The following VWA3B variants were observed in gnomAD, a reference collection of about 807,000 sequenced individuals.
VWA3B encodes von Willebrand factor A domain containing 3B.
Under a neutral mutation model 158.3 loss-of-function variants are expected in VWA3B, and 138 were observed. The ratio of observed to expected loss-of-function variants is 0.87; its 90% CI spans 0.76 to 1.00. The LOEUF is 1.00. Among genes scored for constraint, VWA3B ranks in the 50% least tolerant of loss-of-function variants. The pLI, the probability that VWA3B is intolerant of heterozygous loss-of-function variation, is 0.00. For missense variants in VWA3B, 1,555 were observed against 1,565.1 expected, an observed-to-expected ratio of 0.99 and a Z score of 0.11; for synonymous variants, 596 against 587.3, an observed-to-expected ratio of 1.01 and a Z score of -0.21.
chr2:98,235,796 G>A (rs533540876), intron 17 of VWA3B, among the ~76,000 whole-genome samples: 1 of 152,234 alleles, frequency 6.6e-6, no homozygotes, highest in South Asian at 2.1e-4. Flanking sequence ...TGATGATTGG[G>A]ATATGATTTC....
intron 7 of VWA3B, among the ~76,000 whole-genome samples, chr2:98,151,347 C>T (rs925435841): frequency 3.3e-5 from 5 of 152,104 alleles, no homozygotes; most frequent in South Asian, 2.1e-4. Flanking sequence ...TTTAGTGATC[C>T]GCCTGCCTCG....
At chr2:98,093,336 T>C in intron 2 of VWA3B, 48 bp downstream of exon 2, 1 of 1,590,544 alleles carries the variant, frequency 6.3e-7, no homozygotes. Context: ...GCCTTTGAGG[T>C]GGAGGTGGCT....
chr2:98,213,280 G>A (rs1463990145), intron 13 of VWA3B, among the ~76,000 whole-genome samples: 2 of 152,256 alleles, frequency 1.3e-5, no homozygotes, highest in South Asian at 2.1e-4. Flanking sequence ...GGAAGTCCTC[G>A]AATGCCATAT....
intron 7 of VWA3B, among the ~76,000 whole-genome samples, chr2:98,136,045 A>G (rs771973304): frequency 3.6e-4 from 55 of 152,104 alleles, no homozygotes; most frequent in South Asian, 1.0e-3. Flanking sequence ...CTCTCAAGTA[A>G]GGGGTTGGAG....
chr2:98,158,615 G>T (rs796616375), intron 7 of VWA3B, among the ~76,000 whole-genome samples: 37 of 152,284 alleles, frequency 2.4e-4, no homozygotes, highest in African/African-American at 7.9e-4. Flanking sequence ...GGTGCGGCCC[G>T]AGCGTGTCCT....
intron 12 of VWA3B, among the ~76,000 whole-genome samples, chr2:98,199,905 T>A (rs1244337508): frequency 6.6e-6 from 1 of 152,216 alleles, no homozygotes. Flanking sequence ...TAAGTGTATG[T>A]TTAACTTTAT....
chr2:98,117,376 A>G (rs1031083585), intron 3 of VWA3B, among the ~76,000 whole-genome samples: 2 of 152,200 alleles, frequency 1.3e-5, no homozygotes, highest in Admixed American at 6.5e-5. Flanking sequence ...CAGAGGGCCA[A>G]CGCTCAGCTC....
At chr2:98,168,374 C>T (rs7567029) in intron 8 of VWA3B, among the ~76,000 whole-genome samples, 2,975 of 117,520 alleles carry the variant, frequency 0.025, 35 homozygotes, top group Non-Finnish European at 0.032. Context: ...AATACACACA[C>T]ATACACACAC....
chr2:98,303,629 C>G, intron 25 of VWA3B, 73 bp from the exon 26 acceptor site: 1 of 1,403,124 alleles, frequency 7.1e-7, no homozygotes, highest in Non-Finnish European at 1.0e-6. Flanking sequence ...ATGGGTTGAG[C>G]TAGAATAAAA....
intron 8 of VWA3B, among the ~76,000 whole-genome samples, chr2:98,176,943 C>T (rs977870675): frequency 1.3e-5 from 2 of 152,118 alleles, no homozygotes; most frequent in African/African-American, 4.8e-5. Context: ...CGCTGACAGC[C>T]CCCCTGAAAG....
intron 19 of VWA3B, among the ~76,000 whole-genome samples, chr2:98,237,440 G>C (rs1685777372): frequency 6.6e-6 from 1 of 152,164 alleles, no homozygotes; most frequent in Non-Finnish European, 1.5e-5. Context: ...AGTTAAGAGA[G>C]CAAACAAGCA....
intron 8 of VWA3B, among the ~76,000 whole-genome samples, chr2:98,168,376 T>A: frequency 6.9e-6 from 1 of 145,522 alleles, no homozygotes; most frequent in South Asian, 2.2e-4. Flanking sequence ...TACACACACA[T>A]ACACACACAC....
intron 2 of VWA3B, among the ~76,000 whole-genome samples, chr2:98,111,054 C>T (rs749852298): frequency 2.8e-4 from 42 of 152,140 alleles, no homozygotes; most frequent in African/African-American, 9.2e-4. Flanking sequence ...TGTAAATTTC[C>T]CGGTTTCAGG....
intron 8 of VWA3B, among the ~76,000 whole-genome samples, chr2:98,165,360 T>C (rs539034389): frequency 1.1e-4 from 16 of 152,274 alleles, no homozygotes; most frequent in African/African-American, 3.9e-4. Context: ...CCAGTAAAAA[T>C]ACTGATATCT....
chr2:98,248,354 C>T (rs1366665591), intron 19 of VWA3B, among the ~76,000 whole-genome samples: 4 of 152,106 alleles, frequency 2.6e-5, no homozygotes, highest in Non-Finnish European at 5.9e-5. Flanking sequence ...TATGTTGGCT[C>T]ATTTTCACAA....
intron 7 of VWA3B, among the ~76,000 whole-genome samples, chr2:98,139,024 G>C (rs979960883): frequency 1.3e-5 from 2 of 152,194 alleles, no homozygotes; most frequent in Admixed American, 6.5e-5. Context: ...AGCGGGAGCC[G>C]GGGCTGCGCG....
At chr2:98,304,426 G>C (rs1185884809) in intron 26 of VWA3B, among the ~76,000 whole-genome samples, 1 of 152,132 alleles carries the variant, frequency 6.6e-6, no homozygotes, top group African/African-American at 2.4e-5. Flanking sequence ...AGATGAAGTT[G>C]GATGTTGAGC....
At chr2:98,153,620 T>C (rs575472694) in intron 7 of VWA3B, among the ~76,000 whole-genome samples, 6 of 152,316 alleles carry the variant, frequency 3.9e-5, no homozygotes, top group African/African-American at 1.4e-4. Flanking sequence ...CATTGCTTCT[T>C]TGTTTCTAAT....
At chr2:98,224,589 GA>G (rs942240872) in intron 14 of VWA3B, among the ~76,000 whole-genome samples, 43 of 149,498 alleles carry the variant, frequency 2.9e-4, no homozygotes, top group South Asian at 1.7e-3. Context: ...AGAATTGTAA[GA>G]AAAAAAAAGT....
Sources: gnomAD v4.1 joint callset for allele counts (sites outside exome capture counted in the v4.1 genomes callset) on GRCh38, gnomAD v4.1.1 for gene constraint, MANE v1.5 for transcripts, NCBI Gene and HGNC (gene_info 2026-07-23, HGNC 2026-07-21) for gene names.